The following TOGARAM1 variants were observed in gnomAD, a reference collection of about 807,000 sequenced individuals.
The protein encoded by TOGARAM1 is TOG array regulator of axonemal microtubules 1, also known as TOG array regulator of axonemal microtubules protein 1.
A neutral mutation model predicts 166.6 loss-of-function variants in TOGARAM1; 100 were observed. The observed-to-expected ratio is 0.60, with a 90% CI of 0.51 to 0.71. The LOEUF (loss-of-function observed/expected upper bound fraction) is 0.71, where lower values mean the gene tolerates loss of function less well. Ranked by LOEUF, TOGARAM1 falls within the 30% of genes least tolerant of loss-of-function variation. TOGARAM1 has a pLI of 0.00. For synonymous variants in TOGARAM1, 758 were observed against 763.8 expected, an observed-to-expected ratio of 0.99 and a Z score of 0.13; for missense variants, 2,029 against 2,102.7, an observed-to-expected ratio of 0.96 and a Z score of 0.69.
At chr14:45,060,326 C>T (rs1166303509) in intron 16 of TOGARAM1, among the ~76,000 whole-genome samples, 2 of 151,768 alleles carry the variant, frequency 1.3e-5, no homozygotes, top group Non-Finnish European at 1.5e-5. Context: ...AGTGATTCTC[C>T]TGCCTTGGCC....
chr14:45,029,761 C>T (rs1881053267), intron 10 of TOGARAM1, among the ~76,000 whole-genome samples: 1 of 152,128 alleles, frequency 6.6e-6, no homozygotes, highest in Non-Finnish European at 1.5e-5. Context: ...GACAATGCCA[C>T]AACACTTTTA....
intron 4 of TOGARAM1, 86 bp downstream of exon 4, chr14:45,004,452 C>A: frequency 1.0e-6 from 1 of 983,308 alleles, no homozygotes; most frequent in Non-Finnish European, 1.5e-6. Context: ...TCTTTAAAAG[C>A]TAGTAAACTA....
At chr14:45,035,088 AG>A (rs778039008) in intron 11 of TOGARAM1, among the ~76,000 whole-genome samples, 29 of 152,376 alleles carry the variant, frequency 1.9e-4, no homozygotes, top group Admixed American at 3.3e-4. Context: ...TGAGATTAAT[AG>A]GTTAGACATT....
intron 11 of TOGARAM1, 78 bp downstream of exon 11, chr14:45,032,454 C>T: frequency 1.5e-6 from 2 of 1,307,722 alleles, no homozygotes; most frequent in East Asian, 2.5e-5. Flanking sequence ...AATCTTGAAA[C>T]ACATTTTCTA....
At chr14:44,997,020 G>C (rs1017474354) in intron 2 of TOGARAM1, 1 of 152,194 alleles carries the variant, frequency 6.6e-6, no homozygotes, top group African/African-American at 2.4e-5. Context: ...AGAGAGCAAG[G>C]TCAAAAACAG....
At chr14:45,026,207 C>T (rs1880829309) in intron 8 of TOGARAM1, among the ~76,000 whole-genome samples, 1 of 152,066 alleles carries the variant, frequency 6.6e-6, no homozygotes, top group African/African-American at 2.4e-5. Context: ...GCGTAATAAT[C>T]AATATAAATT....
chr14:45,051,083 G>C (rs1265533146), intron 14 of TOGARAM1, among the ~76,000 whole-genome samples: 1 of 152,154 alleles, frequency 6.6e-6, no homozygotes, highest in East Asian at 1.9e-4. Context: ...CATGATATCT[G>C]AATTTCCACC....
intron 7 of TOGARAM1, among the ~76,000 whole-genome samples, chr14:45,024,943 T>C (rs138631839): frequency 5.4e-4 from 83 of 152,334 alleles, no homozygotes; most frequent in African/African-American, 1.9e-3. Context: ...CTCTTTTCTT[T>C]TTTTGCCTTG....
chr14:45,011,220 TCTTA>T (rs1393155551), intron 6 of TOGARAM1, among the ~76,000 whole-genome samples: 9 of 152,328 alleles, frequency 5.9e-5, no homozygotes, highest in Middle Eastern at 6.8e-3. Context: ...ATTGCTGATC[TCTTA>T]CTTATAATAT....
intron 1 of TOGARAM1, among the ~76,000 whole-genome samples, chr14:44,989,832 A>G (rs1449502643): frequency 6.6e-6 from 1 of 152,244 alleles, no homozygotes; most frequent in African/African-American, 2.4e-5. Flanking sequence ...TAATTTATAA[A>G]GAAAAGAAGT....
At chr14:45,011,263 A>T (rs896705263) in intron 6 of TOGARAM1, among the ~76,000 whole-genome samples, 13 of 152,156 alleles carry the variant, frequency 8.5e-5, no homozygotes, top group Admixed American at 7.2e-4. Flanking sequence ...GTGTTATCAT[A>T]TATAAGGATA....
chr14:45,066,844 G>A (rs943837078), intron 17 of TOGARAM1, 77 bp downstream of exon 17: 2 of 1,240,674 alleles, frequency 1.6e-6, no homozygotes, highest in African/African-American at 1.5e-5. Context: ...GGGAAGCCAA[G>A]GTAGAAGGAT....
rs753188167 is a variant in TOGARAM1, at chr14:45,068,564, G to C, written c.4890G>C (p.Val1630=). 6.2e-7 allele frequency: 1 copy of C among 1,613,202 alleles called. No homozygotes were observed. Among genetic ancestry groups the C allele is most frequent in the Non-Finnish European group, 8.5e-7 (1 of 1,179,588 alleles). Reference sequence around the variant, plus strand: ...TCAACATGCTAATTCCAGCAATAGTGGATAACAATCTGAATTCCAAGAATC... The same window carrying C: ...TCAACATGCTAATTCCAGCAATAGTCGATAACAATCTGAATTCCAAGAATC... The part of the protein sequence containing the change: ...PIINMLIPAI[V]DNNLNSKNPG... Residue 1630 remains valine (V), a synonymous_variant, in exon 18 of 20, where the codon GTG becomes GTC. Transcript: ENST00000361462.
chr14:45,050,579 G>A (rs1882312464), intron 14 of TOGARAM1, among the ~76,000 whole-genome samples: 1 of 151,056 alleles, frequency 6.6e-6, no homozygotes, highest in African/African-American at 2.4e-5. Context: ...AGATCATCCT[G>A]TATCCCCCCA....
rs1880915358 is a variant in TOGARAM1, at chr14:45,027,386, A to G, written c.3416A>G (p.Lys1139Arg). 6.2e-7 allele frequency: 1 copy of G among 1,613,744 alleles called. No homozygotes were observed. Among genetic ancestry groups the G allele is most frequent in the South Asian group, 1.1e-5 (1 of 91,032 alleles). Reference sequence around the variant, plus strand: ...GAAAATGGGGATACATTTTCAATTAAACAAAGTATTGAACCACCATCAGGG... The same window carrying G: ...GAAAATGGGGATACATTTTCAATTAGACAAAGTATTGAACCACCATCAGGG... ...SVENGDTFSI[K>R]QSIEPPSGIY... Residue 1139 changes from lysine to arginine, a missense_variant, in exon 9 of 20, where the codon AAA becomes AGA. By Grantham distance (26) the Lys-to-Arg change is conservative. This residue lies in a region of TOGARAM1 where 1,453 missense variants were observed against 1,432.2 expected (regional missense o/e 1.01). Coordinates refer to ENST00000361462, the MANE Select transcript of TOGARAM1 (RefSeq NM_001308120.2).
At position 45,073,867 on chromosome 14, in the gene TOGARAM1, G is replaced by T; in HGVS notation, c.*306G>T. The T allele has an allele frequency of 4.8e-6, 1 of 209,188 alleles. No homozygotes were observed. The highest frequency in any genetic ancestry group is 9.5e-6 in the Non-Finnish European group (1 of 105,602). 13.0% of individuals were successfully genotyped at this position (209,188 alleles called of 1,614,324 possible). A position where few individuals can be genotyped will look rare whatever the true frequency, so the allele number is the denominator to read the frequency against. ...TATTCTATAGAAACTACAATTTGTT[G>T]CCCTATATGTAAAATTAGAATTGTA... On this transcript the variant is annotated 3_prime_UTR_variant, in exon 20 of 20. Transcript: ENST00000361462.
intron 1 of TOGARAM1, among the ~76,000 whole-genome samples, chr14:44,967,952 C>T (rs986625174): frequency 6.6e-6 from 1 of 152,052 alleles, no homozygotes; most frequent in African/African-American, 2.4e-5. Flanking sequence ...ACTCTTAAGA[C>T]TGCTTGTCAT....
At chr14:45,061,374 T>G (rs1882894857) in intron 16 of TOGARAM1, among the ~76,000 whole-genome samples, 1 of 152,226 alleles carries the variant, frequency 6.6e-6, no homozygotes. Context: ...TGTATGCATC[T>G]AATTTATTTT....
chr14:45,066,523 A>G, intron 16 of TOGARAM1, 55 bp from the exon 17 acceptor site: 4 of 1,416,870 alleles, frequency 2.8e-6, no homozygotes, highest in Non-Finnish European at 3.8e-6. Flanking sequence ...TGTTTGTATA[A>G]TAGTTTTTAT....
Sources: gnomAD v4.1 joint callset for allele counts (sites outside exome capture counted in the v4.1 genomes callset) on GRCh38, gnomAD v4.1.1 for gene constraint, gnomAD v4.1.1 regional missense constraint, MANE v1.5 for transcripts, NCBI Gene and HGNC (gene_info 2026-07-23, HGNC 2026-07-21) for gene names.